DENND1A: variants seen among roughly 807,000 people sequenced by gnomAD.
The protein encoded by DENND1A is DENN domain-containing protein 1A.
In DENND1A, 51 loss-of-function variants were observed where a neutral mutation model predicts 113.7. The observed-to-expected ratio is 0.45, with a 90% CI of 0.36 to 0.57. The LOEUF (loss-of-function observed/expected upper bound fraction) is 0.57. Among genes scored for constraint, DENND1A ranks in the 20% least tolerant of loss-of-function variants. The pLI, the probability that DENND1A is intolerant of heterozygous loss-of-function variation, is 0.00. For synonymous variants in DENND1A, 565 were observed against 570.8 expected (o/e 0.99, Z 0.14); for missense variants, 1,258 against 1,395.9 (o/e 0.90, Z 1.57).
chr9:123,449,465 G>A (rs1490769651), intron 18 of DENND1A, among the ~76,000 whole-genome samples: 1 of 151,704 alleles, frequency 6.6e-6, no homozygotes, highest in Non-Finnish European at 1.5e-5. Flanking sequence ...AACCCGGGAG[G>A]TGGAGGTTGC....
At chr9:123,806,608 A>G (rs1835620827) in intron 2 of DENND1A, among the ~76,000 whole-genome samples, 1 of 152,224 alleles carries the variant, frequency 6.6e-6, no homozygotes, top group African/African-American at 2.4e-5. Flanking sequence ...GTAACTTGTG[A>G]CATCACATCA....
At chr9:123,516,389 G>A (rs1424832440) in intron 13 of DENND1A, among the ~76,000 whole-genome samples, 1 of 152,066 alleles carries the variant, frequency 6.6e-6, no homozygotes, top group Non-Finnish European at 1.5e-5. Context: ...AGACAACACT[G>A]AGAGCCCAGT....
intron 2 of DENND1A, among the ~76,000 whole-genome samples, chr9:123,793,857 T>G (rs548179171): frequency 1.3e-4 from 20 of 152,298 alleles, no homozygotes; most frequent in African/African-American, 3.6e-4. Flanking sequence ...ATGCCAAAAG[T>G]AGAGCCTCTC....
intron 11 of DENND1A, among the ~76,000 whole-genome samples, chr9:123,596,923 C>T (rs2059719987): frequency 6.6e-6 from 1 of 152,184 alleles, no homozygotes; most frequent in South Asian, 2.1e-4. Flanking sequence ...AGCACAGATG[C>T]ATTATGAAAA....
chr9:123,586,479 T>C (rs992343462), intron 11 of DENND1A, among the ~76,000 whole-genome samples: 18 of 152,188 alleles, frequency 1.2e-4, no homozygotes, highest in Non-Finnish European at 2.2e-4. Flanking sequence ...ACCTGGCCCC[T>C]TTTTCTAACT....
At chr9:123,848,244 A>AAT in intron 2 of DENND1A, among the ~76,000 whole-genome samples, 1 of 151,112 alleles carries the variant, frequency 6.6e-6, no homozygotes, top group South Asian at 2.1e-4. Context: ...AAAAAAAAAA[A>AAT]AAAAAAAAAA....
intron 10 of DENND1A, among the ~76,000 whole-genome samples, chr9:123,617,619 T>C (rs2060722318): frequency 1.3e-5 from 2 of 152,196 alleles, no homozygotes; most frequent in Admixed American, 6.5e-5. Context: ...TAGCCCGCCC[T>C]TTTGAGCCTC....
intron 5 of DENND1A, among the ~76,000 whole-genome samples, chr9:123,756,758 G>A (rs953758396): frequency 6.6e-6 from 1 of 152,182 alleles, no homozygotes; most frequent in African/African-American, 2.4e-5. Context: ...AGTCAGTGGG[G>A]GAGTCTTTTC....
At chr9:123,601,302 T>A (rs528457221) in intron 11 of DENND1A, among the ~76,000 whole-genome samples, 4 of 152,362 alleles carry the variant, frequency 2.6e-5, no homozygotes, top group African/African-American at 9.6e-5. Context: ...ATTACATAAA[T>A]TACTGCTAGA....
intron 13 of DENND1A, among the ~76,000 whole-genome samples, chr9:123,493,774 C>T (rs543920746): frequency 8.8e-4 from 134 of 152,244 alleles, no homozygotes; most frequent in African/African-American, 3.0e-3. Context: ...TCAGGGACTA[C>T]GAGTGGAGGC....
At chr9:123,667,833 G>A (rs939657755) in intron 7 of DENND1A, among the ~76,000 whole-genome samples, 4 of 152,072 alleles carry the variant, frequency 2.6e-5, no homozygotes, top group Admixed American at 6.6e-5. Context: ...CTGCCCCAAA[G>A]GCCTAAGTGA....
At position 123,546,154 on chromosome 9, in the gene DENND1A, C is replaced by T. The variant is rs201947578; in HGVS notation, c.993+11416G>A. On this transcript the variant is annotated intron_variant, in intron 13 of 23. Transcript: ENST00000394215. ...CCTGTGGTTAGCCACCATGCAGCTG[C>T]TGGGCTGTGCCTTCGCTTTACATTT... Among the ~76,000 whole-genome samples the T allele has an allele frequency of 2.5e-4, 38 of 152,310 alleles. No individual in the cohort carries two copies. The East Asian group carries it at 6.7e-3, about 27-fold the overall frequency.
At chr9:123,761,118 T>C (rs1023140059) in intron 4 of DENND1A, among the ~76,000 whole-genome samples, 1 of 152,222 alleles carries the variant, frequency 6.6e-6, no homozygotes, top group African/African-American at 2.4e-5. Flanking sequence ...TTTCCTACTC[T>C]CTTTTTATTC....
chr9:123,711,487 A>AAAATATATATATATGTATATATG (rs1564997543), intron 5 of DENND1A, among the ~76,000 whole-genome samples: 5 of 64,786 alleles, frequency 7.7e-5, no homozygotes, highest in East Asian at 4.0e-4. Flanking sequence ...AAATTAAAAA[A>AAAATATATATATATGTATATATG]TATATATATA....
intron 5 of DENND1A, among the ~76,000 whole-genome samples, chr9:123,680,893 G>A (rs913260466): frequency 2.0e-5 from 3 of 152,192 alleles, no homozygotes; most frequent in East Asian, 1.9e-4. Flanking sequence ...TGACCAAGTC[G>A]AGGAAGGCAG....
chr9:123,425,080 A>T (rs1477740793), intron 19 of DENND1A, among the ~76,000 whole-genome samples: 1 of 152,232 alleles, frequency 6.6e-6, no homozygotes, highest in South Asian at 2.1e-4. Flanking sequence ...CTGCACAGCC[A>T]CAGATACAGA....
intron 5 of DENND1A, among the ~76,000 whole-genome samples, chr9:123,724,145 AT>A (rs2067529144): frequency 6.6e-6 from 1 of 152,146 alleles, no homozygotes; most frequent in African/African-American, 2.4e-5. Flanking sequence ...GCTCACTCCC[AT>A]TCTTAGAGTC....
intron 13 of DENND1A, among the ~76,000 whole-genome samples, chr9:123,478,303 A>C (rs543690239): frequency 6.6e-6 from 1 of 152,220 alleles, no homozygotes; most frequent in Admixed American, 6.5e-5. Context: ...TAGGGGAATA[A>C]GCGTCCAGGG....
At chr9:123,460,853 G>A (rs1291728979) in intron 13 of DENND1A, among the ~76,000 whole-genome samples, 3 of 152,318 alleles carry the variant, frequency 2.0e-5, no homozygotes, top group African/African-American at 7.2e-5. Flanking sequence ...ACCTTTGTGC[G>A]ATTATTTGAC....
Sources: gnomAD v4.1 joint callset for allele counts (sites outside exome capture counted in the v4.1 genomes callset) on GRCh38, gnomAD v4.1.1 for gene constraint, MANE v1.5 for transcripts, NCBI Gene and HGNC (gene_info 2026-07-23, HGNC 2026-07-21) for gene names.